LYRM4: variants seen among roughly 807,000 people sequenced by gnomAD.
LYRM4 encodes the protein LYR motif containing 4.
Under a neutral mutation model 11.7 loss-of-function variants are expected in LYRM4, and 9 were observed. That is an observed-to-expected ratio of 0.77 (90% confidence interval 0.46 to 1.34). LYRM4 has a LOEUF of 1.34. LYRM4 is among the 40% of genes most tolerant of loss of function. The pLI, the probability that LYRM4 is intolerant of heterozygous loss-of-function variation, is 0.00. For synonymous variants in LYRM4, 42 were observed against 40.4 expected, an observed-to-expected ratio of 1.04 and a Z score of -0.15; for missense variants, 133 against 112.5, an observed-to-expected ratio of 1.18 and a Z score of -0.82.
At chr6:5,208,985 C>A (rs1308486273) in intron 2 of LYRM4, among the ~76,000 whole-genome samples, 2 of 152,192 alleles carry the variant, frequency 1.3e-5, no homozygotes, top group Non-Finnish European at 2.9e-5. Flanking sequence ...GGGGGCAGTT[C>A]TGGTCATTGT....
At chr6:5,075,709 G>C in the LYRM4 span, among the ~76,000 whole-genome samples, 1 of 152,198 alleles carries the variant, frequency 6.6e-6, no homozygotes, top group African/African-American at 2.4e-5. Context: ...ACAATGTTGA[G>C]TGCTACATTG....
intron 1 of LYRM4, among the ~76,000 whole-genome samples, chr6:5,243,431 T>C (rs1581588769): frequency 6.6e-6 from 1 of 152,132 alleles, no homozygotes; most frequent in East Asian, 1.9e-4. Flanking sequence ...CAAGTGAAAA[T>C]ATAAAAGAAT....
chr6:5,136,406 C>G (rs776841918), intron 2 of LYRM4: 11 of 985,100 alleles, frequency 1.1e-5, no homozygotes, highest in Middle Eastern at 5.2e-4. Context: ...TAATGTAGTA[C>G]TTAAGAGCCT....
chr6:5,168,393 C>T (rs993943514), intron 2 of LYRM4, among the ~76,000 whole-genome samples: 3 of 152,186 alleles, frequency 2.0e-5, no homozygotes, highest in Admixed American at 6.5e-5. Flanking sequence ...ACTCACAATA[C>T]GTGCCTGCAG....
At chr6:5,093,181 G>A in the LYRM4 span, among the ~76,000 whole-genome samples, 3 of 152,178 alleles carry the variant, frequency 2.0e-5, no homozygotes, top group African/African-American at 7.2e-5. Flanking sequence ...ATTTTGGATT[G>A]TGCTGTTTAC....
chr6:5,085,916 G>C, the LYRM4 span: 6 of 1,530,590 alleles, frequency 3.9e-6, no homozygotes, highest in East Asian at 5.0e-5. Context: ...AGCCTGGCCA[G>C]CGTGAAGCAC....
At chr6:5,201,415 G>A (rs1761388188) in intron 2 of LYRM4, among the ~76,000 whole-genome samples, 1 of 152,162 alleles carries the variant, frequency 6.6e-6, no homozygotes, top group African/African-American at 2.4e-5. Flanking sequence ...ATCATCAACT[G>A]GCAAGGGGTA....
the LYRM4 span, among the ~76,000 whole-genome samples, chr6:5,098,046 C>T: frequency 1.3e-5 from 2 of 152,126 alleles, no homozygotes; most frequent in African/African-American, 2.4e-5. Context: ...TGGCCTTGAA[C>T]TCCTGGGACA....
rs139593920 is a variant in LYRM4, at chr6:5,235,116, T to C, written c.87-18378A>G. On this transcript the variant is annotated intron_variant, in intron 1 of 2. Coordinates refer to ENST00000330636, the MANE Select transcript of LYRM4 (RefSeq NM_020408.6). ...TTCCCCTATAGGACCTGCTATGCTT[T>C]GCACATAGTGGTGTTAAAACCACTG... 2.7e-3 allele frequency among the ~76,000 whole-genome samples: 408 copies of C among 152,256 alleles called. 4 individuals are homozygous for C. The highest frequency in any genetic ancestry group is 9.5e-3 in the African/African-American group (394 of 41,522).
intron 2 of LYRM4, among the ~76,000 whole-genome samples, chr6:5,133,629 A>G (rs1312040867): frequency 6.6e-6 from 1 of 152,224 alleles, no homozygotes; most frequent in Non-Finnish European, 1.5e-5. Context: ...ACATAACATA[A>G]AATCATTTAA....
intron 1 of LYRM4, among the ~76,000 whole-genome samples, chr6:5,220,249 CT>C (rs1762507928): frequency 6.6e-6 from 1 of 152,208 alleles, no homozygotes. Context: ...ACTCTGTCCC[CT>C]CCCAGAAACA....
chr6:5,191,762 G>A lies in LYRM4; in HGVS notation c.207+24856C>T, dbSNP rs1581473029. ...GATTTATTAATTACAAAGAAAAACA[G>A]TATGTTTACAGTGTAAACATCTGGT... On this transcript the variant is annotated intron_variant, in intron 2 of 2. Transcript: ENST00000330636. 2.0e-5 allele frequency among the ~76,000 whole-genome samples: 3 copies of A among 152,144 alleles called. No individual in the cohort carries two copies. The South Asian group carries it at 6.2e-4, about 31-fold the overall frequency.
chr6:5,144,147 G>A, intron 2 of LYRM4: 1 of 1,536,600 alleles, frequency 6.5e-7, no homozygotes, highest in Non-Finnish European at 8.7e-7. Flanking sequence ...CCAGCTCTGT[G>A]AGGAAGAGCA....
intron 1 of LYRM4, among the ~76,000 whole-genome samples, chr6:5,235,165 C>T (rs760054754): frequency 1.3e-5 from 2 of 152,098 alleles, no homozygotes; most frequent in African/African-American, 2.4e-5. Context: ...TTTTTTGAGA[C>T]GGACTCTCGT....
downstream of LYRM4, among the ~76,000 whole-genome samples, chr6:5,098,980 C>T (rs1762419234): frequency 6.6e-6 from 1 of 152,146 alleles, no homozygotes; most frequent in Non-Finnish European, 1.5e-5. Flanking sequence ...CCTCCACCAA[C>T]ACCCCCAGTG....
At chr6:5,052,131 T>C in the LYRM4 span, among the ~76,000 whole-genome samples, 1 of 152,158 alleles carries the variant, frequency 6.6e-6, no homozygotes, top group Non-Finnish European at 1.5e-5. Context: ...AAGGGAGTTC[T>C]TTAGGTTGAA....
intron 2 of LYRM4, among the ~76,000 whole-genome samples, chr6:5,137,170 T>C (rs1757147412): frequency 6.6e-6 from 1 of 152,250 alleles, no homozygotes; most frequent in Admixed American, 6.5e-5. Context: ...GTATCAGTAC[T>C]TGGTTCCGTT....
At chr6:5,188,086 C>T (rs1330477386) in intron 2 of LYRM4, among the ~76,000 whole-genome samples, 4 of 152,204 alleles carry the variant, frequency 2.6e-5, no homozygotes, top group African/African-American at 9.6e-5. Flanking sequence ...TGGTGGCTCA[C>T]ACCTGTAATC....
intron 2 of LYRM4, among the ~76,000 whole-genome samples, chr6:5,140,305 T>G (rs1294805247): frequency 6.6e-6 from 1 of 152,108 alleles, no homozygotes; most frequent in East Asian, 1.9e-4. Context: ...GCTGCCTGAT[T>G]TGCAAAGTGT....
Sources: gnomAD v4.1 joint callset for allele counts (sites outside exome capture counted in the v4.1 genomes callset) on GRCh38, gnomAD v4.1.1 for gene constraint, MANE v1.5 for transcripts, NCBI Gene and HGNC (gene_info 2026-07-23, HGNC 2026-07-21) for gene names.